Variants in FAM161A observed in about 807,000 individuals in gnomAD.
FAM161A encodes the protein FAM161 centrosomal protein A.
A neutral mutation model predicts 70.9 loss-of-function variants in FAM161A; 57 were observed. The ratio of observed to expected loss-of-function variants is 0.80; its 90% confidence interval spans 0.65 to 1.00. FAM161A has a LOEUF of 1.00. Among genes scored for constraint, FAM161A ranks in the 50% least tolerant of loss-of-function variants. The pLI is 0.00. For synonymous variants in FAM161A, 299 were observed against 295.7 expected, an observed-to-expected ratio of 1.01 and a Z score of -0.12; for missense variants, 880 against 836.0, an observed-to-expected ratio of 1.05 and a Z score of -0.65.
In FAM161A at chr2:61,825,427, A is replaced by T. The variant is rs1041252643; in HGVS notation, c.*1028T>A. 2.2e-6 allele frequency: 1 copy of T among 454,226 alleles called. No homozygotes were observed. Among genetic ancestry groups the T allele is most frequent in the Admixed American group, 2.3e-5 (1 of 42,570 alleles). The allele number at this position is 454,226 out of a possible 1,614,324, so 28.1% of individuals were successfully genotyped here. A position where few individuals can be genotyped will look rare whatever the true frequency, so the allele number is the denominator to read the frequency against. On this transcript the variant is annotated 3_prime_UTR_variant, in exon 7 of 7. Transcript: ENST00000404929. The stretch of plus-strand genomic sequence containing the variant: ...GGGATACTTGCCCCTAATTTAGATT[A>T]TAACTCACACATGCCATAATTACTT...
rs564781938 is a variant in FAM161A at position 61,843,470 on chromosome 2, A to C, written c.184-1110T>G. On this transcript the variant is annotated intron_variant, in intron 1 of 6. Transcript: ENST00000404929. ...GAAGCAACTAAAGAGATAAAACCCC[A>C]TTTTCTCCATAAATATAAAATTTTT... 6.0e-4 allele frequency among the ~76,000 whole-genome samples: 92 copies of C among 152,244 alleles called. 2 individuals carry two copies. The South Asian group carries it at 0.018, about 30-fold the overall frequency.
At chr2:61,803,532 A>G in the FAM161A span, 6 of 494,188 alleles carry the variant, frequency 1.2e-5, no homozygotes, top group South Asian at 1.3e-4. Flanking sequence ...TAAGATTAAT[A>G]AGGCCGGGCG....
At chr2:61,846,125 C>G (rs1673204336) in intron 1 of FAM161A, among the ~76,000 whole-genome samples, 2 of 142,120 alleles carry the variant, frequency 1.4e-5, no homozygotes, top group Non-Finnish European at 1.5e-5. Flanking sequence ...ATGGAGAAAT[C>G]TATAGGATCA....
intron 1 of FAM161A, chr2:61,846,711 G>A: frequency 3.5e-6 from 1 of 288,166 alleles, no homozygotes; most frequent in Non-Finnish European, 6.8e-6. Context: ...TCTGCTAAAA[G>A]TGGAGTTAGA....
At position 61,839,941 on chromosome 2, in the gene FAM161A, A is replaced by G; in HGVS notation, c.1063T>C (p.Phe355Leu). 3 of 1,614,164 alleles carry G rather than the reference A, an allele frequency of 1.9e-6. No individual in the cohort carries two copies. The highest frequency in any genetic ancestry group is 2.5e-6 in the Non-Finnish European group (3 of 1,180,026). ...FLKYKKKTNR[F>L]KARPIPRSTY... ...GATCGAGGAATGGGTCTGGCTTTAA[A>G]TCGATTTGTTTTCTTTTTATACTTA... Residue 355 changes from phenylalanine (F) to leucine (L), a missense_variant, in exon 3 of 7, where the codon TTT becomes CTT. Transcript: ENST00000404929.
chr2:61,819,307 A>G, the FAM161A span, among the ~76,000 whole-genome samples: 2 of 152,148 alleles, frequency 1.3e-5, no homozygotes, highest in African/African-American at 4.8e-5. Context: ...CAAAAAGTAC[A>G]AAAATTAGCC....
intron 2 of FAM161A, among the ~76,000 whole-genome samples, chr2:61,840,843 G>C (rs969459600): frequency 1.3e-5 from 2 of 152,000 alleles, no homozygotes; most frequent in Admixed American, 1.3e-4. Context: ...GTAGAGACAG[G>C]GTTTTACCAA....
At chr2:61,816,499 C>A in the FAM161A span, among the ~76,000 whole-genome samples, 1 of 152,068 alleles carries the variant, frequency 6.6e-6, no homozygotes, top group Non-Finnish European at 1.5e-5. Flanking sequence ...CTTGCTCTGT[C>A]GCCCAGGCTG....
intron 1 of FAM161A, chr2:61,846,779 A>T (rs185220402): frequency 1.1e-5 from 4 of 357,068 alleles, no homozygotes; most frequent in African/African-American, 2.2e-5. Flanking sequence ...TAGCCCTCTG[A>T]CTGCTTCCTG....
Position 61,825,206 on chromosome 2 carries a change from A to G in FAM161A, c.*1249T>C. The G allele has an allele frequency of 2.3e-6, 1 of 436,278 alleles. No homozygotes were observed. Among genetic ancestry groups the G allele is most frequent in the Non-Finnish European group, 4.5e-6 (1 of 222,476 alleles). The allele number at this position is 436,278 out of a possible 1,614,324, so 27.0% of individuals were successfully genotyped here. ...CTTTATGATTGGCTTCAAATTTTAA[A>G]ACAAAAATTTGCTTAAAGAAAAAAA... On this transcript the variant is annotated 3_prime_UTR_variant, in exon 7 of 7. Transcript: ENST00000404929.
chr2:61,837,494 C>G (rs1672815993), intron 4 of FAM161A, among the ~76,000 whole-genome samples: 1 of 152,190 alleles, frequency 6.6e-6, no homozygotes, highest in Non-Finnish European at 1.5e-5. Context: ...ATTGTCCAGG[C>G]ACGGTGGCTC....
Position 61,827,121 on chromosome 2 carries a change from G to A in FAM161A, c.1989C>T (p.Val663=), listed in dbSNP as rs201362403. The stretch of plus-strand genomic sequence containing the variant: ...TATGTTACCTTTCTTTGTCTTCAGT[G>A]ACACTTTTCGTCTCTTGATTGTTGA... ...EYFNNQETKS[V]TEDKESFNEE... The change falls in exon 6 of 7, where the codon GTC becomes GTT. Residue 663 remains valine, a synonymous_variant. Transcript: ENST00000404929. 2.4e-4 allele frequency: 391 copies of A among 1,613,724 alleles called. No homozygotes were observed. The African/African-American group carries it at 4.7e-3, about 20-fold the overall frequency.
At chr2:61,809,774 AG>A in the FAM161A span, among the ~76,000 whole-genome samples, 1 of 152,172 alleles carries the variant, frequency 6.6e-6, no homozygotes, top group African/African-American at 2.4e-5. Context: ...TTTAATGAAA[AG>A]AATGCAGTAG....
the FAM161A span, among the ~76,000 whole-genome samples, chr2:61,814,082 C>T: frequency 1.3e-5 from 2 of 152,252 alleles, no homozygotes; most frequent in East Asian, 3.9e-4. Context: ...CATGCAGAAG[C>T]CCCTCAGACT....
Position 61,836,074 on chromosome 2 carries a change from C to A in FAM161A, c.1787G>T (p.Arg596Leu). Residue 596 changes from arginine to leucine, a missense_variant, in exon 5 of 7, where the codon CGA becomes CTA. Coordinates refer to ENST00000404929, the MANE Select transcript of FAM161A (RefSeq NM_001201543.2). ...TTTTTCTTCTCTTTCTTCTAGTTCT[C>A]GTTGGTATTCTCTCATCCTTTCCTT... ...SEKERMREYQ[R>L]ELEEREEKLK... 3 of 1,610,772 alleles carry A rather than the reference C, an allele frequency of 1.9e-6. No individual in the cohort carries two copies. Among genetic ancestry groups the A allele is most frequent in the South Asian group, 1.1e-5 (1 of 90,174 alleles).
intron 5 of FAM161A, among the ~76,000 whole-genome samples, chr2:61,834,345 A>G (rs1672692734): frequency 6.6e-6 from 1 of 152,168 alleles, no homozygotes; most frequent in South Asian, 2.1e-4. Flanking sequence ...ACACTGGAGA[A>G]TATAAGAGGG....
chr2:61,847,923 C>T (rs1673289003), intron 1 of FAM161A, among the ~76,000 whole-genome samples: 1 of 152,084 alleles, frequency 6.6e-6, no homozygotes, highest in African/African-American at 2.4e-5. Flanking sequence ...AAAAATTCCA[C>T]CTTGGGAAGA....
chr2:61,811,912 C>G, the FAM161A span, among the ~76,000 whole-genome samples: 57 of 152,216 alleles, frequency 3.7e-4, no homozygotes, highest in African/African-American at 1.3e-3. Context: ...CCTAGAAGGC[C>G]CCATAGAATC....
At chr2:61,804,874 G>T in the FAM161A span, among the ~76,000 whole-genome samples, 1 of 152,004 alleles carries the variant, frequency 6.6e-6, no homozygotes, top group Non-Finnish European at 1.5e-5. Flanking sequence ...GGGAGCGAGA[G>T]AAACTAAAGA....
Sources: allele counts gnomAD v4.1 joint callset (sites outside exome capture counted in the v4.1 genomes callset), GRCh38; gene constraint gnomAD v4.1.1; transcripts MANE v1.5; gene names NCBI Gene and HGNC (gene_info 2026-07-23, HGNC 2026-07-21).